The following CCDC190 variants were observed in gnomAD, a reference collection of about 807,000 sequenced individuals.
CCDC190 encodes coiled-coil domain containing 190.
Under a neutral mutation model 13.1 loss-of-function variants are expected in CCDC190, and 10 were observed. That is an observed-to-expected ratio of 0.77 (90% CI 0.47 to 1.30). The LOEUF (loss-of-function observed/expected upper bound fraction) is 1.30, where lower values mean the gene tolerates loss of function less well. CCDC190 is among the 50% of genes most tolerant of loss of function. CCDC190 has a pLI of 0.00. For missense variants in CCDC190, 375 were observed against 354.3 expected (o/e 1.06, Z -0.47); for synonymous variants, 136 against 127.2 (o/e 1.07, Z -0.47).
chr1:162,864,356 C>T (rs904372652), upstream of CCDC190, among the ~76,000 whole-genome samples: 5 of 152,084 alleles, frequency 3.3e-5, no homozygotes, highest in African/African-American at 7.2e-5. Flanking sequence ...AACAGACCTA[C>T]AGTTCAAGAA....
Position 162,855,346 on chromosome 1 carries a change from G to T in CCDC190, c.325C>A (p.Arg109Ser). ...QAKKMRALATRMAQDTCKSKS... is the reference protein window; with the variant it reads ...QAKKMRALATSMAQDTCKSKS... ...CTTTTGCATGTGTCTTGGGCCATAC[G>T]GGTTGCCAATGCTCTGAGAAAGGAC... Residue 109 changes from arginine to serine, a missense_variant, in exon 4 of 4, where the codon CGT (arginine) becomes AGT (serine). Coordinates refer to ENST00000367912, the MANE Select transcript of CCDC190 (RefSeq NM_001394065.1). 1 of 1,603,080 alleles carries T rather than the reference G, an allele frequency of 6.2e-7. No individual in the cohort carries two copies.
upstream of CCDC190, among the ~76,000 whole-genome samples, chr1:162,862,847 A>G (rs561108468): frequency 6.6e-6 from 1 of 152,236 alleles, no homozygotes; most frequent in Non-Finnish European, 1.5e-5. Context: ...GGGTTGGAGA[A>G]GGAAGAATGA....
Position 162,860,540 on chromosome 1 carries a change from G to A in CCDC190, c.-13+468C>T, listed in dbSNP as rs566223430. Among the ~76,000 whole-genome samples, 7 of 151,700 alleles carry A rather than the reference G, an allele frequency of 4.6e-5. No individual in the cohort carries two copies. The South Asian group carries it at 1.5e-3, about 32-fold the overall frequency. On this transcript the variant is annotated intron_variant, in intron 1 of 3. Transcript: ENST00000367912. ...CATGTGCTCAGGATATAAACAGATT[G>A]CTGTCAATAAAAGGTTTGGTGATTT...
upstream of CCDC190, among the ~76,000 whole-genome samples, chr1:162,865,044 G>A (rs1650650206): frequency 6.6e-6 from 1 of 151,928 alleles, no homozygotes; most frequent in South Asian, 2.1e-4. Context: ...AAATGAATAG[G>A]TTAAGAGTAA....
In CCDC190 at chr1:162,854,383, A is replaced by T. The variant is rs1438673427; in HGVS notation, c.*382T>A. On this transcript the variant is annotated 3_prime_UTR_variant, in exon 4 of 4. Transcript: ENST00000367912. Reference sequence around the variant, plus strand: ...CTATTCCTACCACTACTATATATCAAACTAAAACAGAGAGAATAGCTATGC... The same window carrying T: ...CTATTCCTACCACTACTATATATCATACTAAAACAGAGAGAATAGCTATGC... 9.8e-7 allele frequency: 1 copy of T among 1,025,512 alleles called. No homozygotes were observed. Among genetic ancestry groups the T allele is most frequent in the Non-Finnish European group, 1.2e-6 (1 of 854,036 alleles). 63.5% of individuals were successfully genotyped at this position (1,025,512 alleles called of 1,614,324 possible).
chr1:162,860,518 G>A (rs1055238886), intron 1 of CCDC190, among the ~76,000 whole-genome samples: 1 of 151,766 alleles, frequency 6.6e-6, no homozygotes, highest in African/African-American at 2.4e-5. Context: ...AGCACAACAT[G>A]TGCTCAGGAT....
intron 1 of CCDC190, 96 bp downstream of exon 1, chr1:162,860,912 G>A (rs751588948): frequency 3.3e-4 from 148 of 452,768 alleles, no homozygotes; most frequent in Non-Finnish European, 9.0e-5. Context: ...GGAAGATAAG[G>A]TCAGGACATG....
chr1:162,865,492 T>C (rs1304427665), upstream of CCDC190, among the ~76,000 whole-genome samples: 1 of 152,110 alleles, frequency 6.6e-6, no homozygotes, highest in Non-Finnish European at 1.5e-5. Flanking sequence ...AGGTGGGCCA[T>C]GAAACAAGTT....
In CCDC190 at chr1:162,857,620, G is replaced by A. The variant is rs138379877; in HGVS notation, c.187+1840C>T. Among the ~76,000 whole-genome samples, 750 of 152,072 alleles carry A rather than the reference G, an allele frequency of 4.9e-3. 3 individuals are homozygous for A. The highest frequency in any genetic ancestry group is 0.01 in the Middle Eastern group (3 of 294). ...CATACGTCCTCCTGACAAACTTCCCGCCCTTTCCCCCATTTTCCTCCTCCT... is the reference window on the plus strand; with the variant it reads ...CATACGTCCTCCTGACAAACTTCCCACCCTTTCCCCCATTTTCCTCCTCCT... On this transcript the variant is annotated intron_variant, in intron 2 of 3. Coordinates refer to ENST00000367912, the MANE Select transcript of CCDC190 (RefSeq NM_001394065.1).
At chr1:162,865,894 C>T (rs184242167), upstream of CCDC190, among the ~76,000 whole-genome samples, 1 of 152,186 alleles carries the variant, frequency 6.6e-6, no homozygotes, top group Non-Finnish European at 1.5e-5. Flanking sequence ...TTAGCTACTT[C>T]AGTGAGGCAA....
At position 162,853,211 on chromosome 1, in the gene CCDC190, A is replaced by G; in HGVS notation, c.*1554T>C. 1 of 1,464,786 alleles carries G rather than the reference A, an allele frequency of 6.8e-7. No individual in the cohort carries two copies. 90.7% of individuals were successfully genotyped at this position (1,464,786 alleles called of 1,614,324 possible). Reference sequence around the variant, plus strand: ...TTGATCTAAGTTTTTGTCTTCAGATAGGTGGTAGTGTGGTGTAATGAAAGA... The same window carrying G: ...TTGATCTAAGTTTTTGTCTTCAGATGGGTGGTAGTGTGGTGTAATGAAAGA... On this transcript the variant is annotated 3_prime_UTR_variant, in exon 4 of 4. Transcript: ENST00000367912.
Position 162,853,277 on chromosome 1 carries a change from AGTCTGCCATCT to A in CCDC190, c.*1477_*1487del. On this transcript the variant is annotated 3_prime_UTR_variant, in exon 4 of 4. Coordinates refer to ENST00000367912, the MANE Select transcript of CCDC190 (RefSeq NM_001394065.1). ...TTGAGTAGAAGAGAGATCAAATGCTAGTCTGCCATCTATTAGCAAGTTACCACCACTCTTCC... is the reference window on the plus strand; with the variant it reads ...TTGAGTAGAAGAGAGATCAAATGCTAATTAGCAAGTTACCACCACTCTTCC... The A allele has an allele frequency of 1.4e-6, 1 of 715,198 alleles. No homozygotes were observed. The highest frequency in any genetic ancestry group is 2.4e-5 in the South Asian group (1 of 41,404). 44.3% of individuals were successfully genotyped at this position (715,198 alleles called of 1,614,324 possible). A position where few individuals can be genotyped will look rare whatever the true frequency, so the allele number is the denominator to read the frequency against.
chr1:162,855,117 G>C lies in CCDC190; in HGVS notation c.554C>G (p.Thr185Ser). ...SVPCQNQEVS[T>S]NTIEQGPSSS... ...ACTAGGACCTTGTTCTATGGTGTTG[G>C]TGGAAACCTCTTGATTTTGGCATGG... The change falls in exon 4 of 4, where the codon ACC becomes AGC. Residue 185 changes from threonine (T) to serine (S), a missense_variant. Physicochemically the swap from Thr to Ser is moderately conservative, Grantham distance 58. Coordinates refer to ENST00000367912, the MANE Select transcript of CCDC190 (RefSeq NM_001394065.1). The C allele has an allele frequency of 1.2e-6, 2 of 1,613,920 alleles. No homozygotes were observed. The highest frequency in any genetic ancestry group is 1.7e-6 in the Non-Finnish European group (2 of 1,179,846).
At chr1:162,865,080 T>C (rs142815921), upstream of CCDC190, among the ~76,000 whole-genome samples, 3 of 152,022 alleles carry the variant, frequency 2.0e-5, no homozygotes, top group Non-Finnish European at 4.4e-5. Context: ...TATACCATGC[T>C]AACACTAAAT....
intron 2 of CCDC190, among the ~76,000 whole-genome samples, chr1:162,857,269 A>G (rs1332573965): frequency 2.0e-5 from 3 of 152,190 alleles, no homozygotes; most frequent in Non-Finnish European, 4.4e-5. Flanking sequence ...TAATTCTATC[A>G]GGTCTACTCT....
rs914734306 is a variant in CCDC190 at position 162,852,830 on chromosome 1, AG to A, written c.*1934del. 1.2e-5 allele frequency: 5 copies of A among 403,466 alleles called. No homozygotes were observed. The highest frequency in any genetic ancestry group is 4.0e-5 in the African/African-American group (2 of 49,564). The allele number at this position is 403,466 out of a possible 1,614,324, so 25.0% of individuals were successfully genotyped here. A position where few individuals can be genotyped will look rare whatever the true frequency, so the allele number is the denominator to read the frequency against. ...GCTAGTACAGTGAAAAGACCCACTT[AG>A]CAGTGACAAACCATTCACTCAGGAC... On this transcript the variant is annotated 3_prime_UTR_variant, in exon 4 of 4. Coordinates refer to ENST00000367912, the MANE Select transcript of CCDC190 (RefSeq NM_001394065.1).
Position 162,854,793 on chromosome 1 carries a change from C to A in CCDC190, c.878G>T (p.Arg293Met), listed in dbSNP as rs766804954. ...SSRAGKECEN[R>M]VPSKFLPL is the part of the protein sequence containing the mutation. Reference sequence around the variant, plus strand: ...GAGAGGAAGAAACTTAGAAGGCACCCTGTTTTCACACTCCTTTCCTGCCCT... The same window carrying A: ...GAGAGGAAGAAACTTAGAAGGCACCATGTTTTCACACTCCTTTCCTGCCCT... The change falls in exon 4 of 4, where the codon AGG (arginine) becomes ATG (methionine). Residue 293 changes from arginine to methionine, a missense_variant. Arg to Met is a moderately conservative substitution (Grantham distance 91). Transcript: ENST00000367912. 28 of 1,611,150 alleles carry A rather than the reference C, an allele frequency of 1.7e-5. No individual in the cohort carries two copies. The highest frequency in any genetic ancestry group is 2.4e-5 in the Non-Finnish European group (28 of 1,177,984).
chr1:162,868,246 G>A (rs149902844), intron 1 of CCDC190, among the ~76,000 whole-genome samples: 1 of 152,310 alleles, frequency 6.6e-6, no homozygotes, highest in Admixed American at 6.5e-5. Context: ...GGCAAAGAAA[G>A]TGGTAAACAT....
intron 1 of CCDC190, among the ~76,000 whole-genome samples, chr1:162,859,977 A>AT (rs1650446167): frequency 6.6e-6 from 1 of 151,884 alleles, no homozygotes; most frequent in Non-Finnish European, 1.5e-5. Context: ...AAAAAAAAAA[A>AT]GGCAGTCTAC....
Sources: allele counts gnomAD v4.1 joint callset (sites outside exome capture counted in the v4.1 genomes callset), GRCh38; gene constraint gnomAD v4.1.1; transcripts MANE v1.5; gene names NCBI Gene and HGNC (gene_info 2026-07-23, HGNC 2026-07-21).